Variants in PHTF2 observed in about 807,000 individuals in gnomAD.
The protein encoded by PHTF2 is protein PHTF2.
In PHTF2, 60 loss-of-function variants were observed where a neutral mutation model predicts 101.2. That is an observed-to-expected ratio of 0.59 (90% CI 0.48 to 0.73). The LOEUF is 0.73. Ranked by LOEUF, PHTF2 falls within the 30% of genes least tolerant of loss-of-function variation. PHTF2 has a pLI of 0.00. For missense variants in PHTF2, 747 were observed against 908.7 expected (o/e 0.82, Z 2.29); for synonymous variants, 311 against 307.3 (o/e 1.01, Z -0.13).
In PHTF2 at chr7:77,893,759, A is replaced by T. The variant is rs1685573992; in HGVS notation, c.204+95A>T. The stretch of plus-strand genomic sequence containing the variant: ...GTGTTTTTTAATATACTTTTAAGAT[A>T]TAAATTACTATTCTATTGAAGCTTT... On this transcript the variant is annotated intron_variant, in intron 4 of 19. Coordinates refer to ENST00000416283, the Ensembl canonical transcript of PHTF2. 1.7e-5 allele frequency: 11 copies of T among 629,292 alleles called. No individual in the cohort carries two copies. The South Asian group carries it at 2.5e-4, about 14-fold the overall frequency. The allele number at this position is 629,292 out of a possible 1,614,324, so 39.0% of individuals were successfully genotyped here.
At chr7:77,932,410 T>TTACC (rs1414290713) in intron 12 of PHTF2, among the ~76,000 whole-genome samples, 1 of 151,966 alleles carries the variant, frequency 6.6e-6, no homozygotes, top group Non-Finnish European at 1.5e-5. Flanking sequence ...GCAAGCAAGA[T>TTACC]GGTAAGAGAG....
intron 1 of PHTF2, among the ~76,000 whole-genome samples, chr7:77,815,232 G>A (rs759454625): frequency 2.0e-5 from 3 of 152,236 alleles, no homozygotes; most frequent in South Asian, 2.1e-4. Flanking sequence ...GGGAACATGC[G>A]TGTTGGGAAC....
intron 11 of PHTF2, chr7:77,923,362 T>C: frequency 3.1e-6 from 3 of 969,568 alleles, no homozygotes; most frequent in Non-Finnish European, 3.7e-6. Context: ...GCAAATAAAT[T>C]ACACTGTTTA....
chr7:77,844,127 A>G (rs543700431), intron 2 of PHTF2, among the ~76,000 whole-genome samples: 1 of 152,054 alleles, frequency 6.6e-6, no homozygotes, highest in Non-Finnish European at 1.5e-5. Flanking sequence ...CCCCCCAAGT[A>G]GCTGGAACTA....
intron 1 of PHTF2, among the ~76,000 whole-genome samples, chr7:77,824,655 C>T (rs562219492): frequency 8.5e-4 from 130 of 152,216 alleles, no homozygotes; most frequent in African/African-American, 2.1e-3. Context: ...CTCCTGACTT[C>T]GTGATCTGCC....
At chr7:77,911,855 TA>T (rs1039891833) in intron 9 of PHTF2, among the ~76,000 whole-genome samples, 5 of 152,076 alleles carry the variant, frequency 3.3e-5, no homozygotes, top group African/African-American at 7.2e-5. Flanking sequence ...TTTAGTCTTT[TA>T]AAAAAAATGT....
At chr7:77,902,263 G>A (rs939138955) in intron 7 of PHTF2, among the ~76,000 whole-genome samples, 3 of 151,992 alleles carry the variant, frequency 2.0e-5, no homozygotes, top group Non-Finnish European at 2.9e-5. Flanking sequence ...TCCTGCCATA[G>A]GTATAGTTTC....
At chr7:77,900,767 T>C in exon 6 of PHTF2, 2 of 1,548,814 alleles carry the variant, frequency 1.3e-6, no homozygotes, top group Non-Finnish European at 1.8e-6. Context: ...TCATAGATGT[T>C]GATCTTGTAA....
intron 1 of PHTF2, among the ~76,000 whole-genome samples, chr7:77,826,391 G>C (rs1167256544): frequency 6.6e-6 from 1 of 152,074 alleles, no homozygotes; most frequent in Non-Finnish European, 1.5e-5. Context: ...TAAACTATAA[G>C]GATTTATAAC....
intron 2 of PHTF2, among the ~76,000 whole-genome samples, chr7:77,847,102 A>G (rs1050803132): frequency 6.6e-6 from 1 of 152,174 alleles, no homozygotes; most frequent in African/African-American, 2.4e-5. Context: ...ACTGTATGAG[A>G]GAATAAATCT....
intron 11 of PHTF2, among the ~76,000 whole-genome samples, chr7:77,927,191 T>TACACACAC (rs1804115642): frequency 1.1e-5 from 1 of 93,694 alleles, no homozygotes; most frequent in African/African-American, 3.4e-5. Context: ...TATATATATA[T>TACACACAC]ATATACATAC....
chr7:77,884,623 G>A (rs953577861), intron 3 of PHTF2, among the ~76,000 whole-genome samples: 6 of 152,274 alleles, frequency 3.9e-5, no homozygotes, highest in South Asian at 4.1e-4. Context: ...TGGGCTGGGC[G>A]CAGTGGCTTA....
intron 1 of PHTF2, among the ~76,000 whole-genome samples, chr7:77,827,416 G>A (rs1186119807): frequency 1.3e-5 from 2 of 152,126 alleles, no homozygotes; most frequent in South Asian, 2.1e-4. Context: ...GTGTGGTGGT[G>A]CAGTCTCGGC....
chr7:77,924,105 C>T (rs1010201156), intron 11 of PHTF2: 3 of 959,586 alleles, frequency 3.1e-6, no homozygotes, highest in East Asian at 1.2e-4. Flanking sequence ...AAAATTTTTA[C>T]TCTTAAACCA....
chr7:77,884,346 G>A (rs1325710875), intron 3 of PHTF2, among the ~76,000 whole-genome samples: 1 of 152,088 alleles, frequency 6.6e-6, no homozygotes, highest in Non-Finnish European at 1.5e-5. Flanking sequence ...AGTGTACCTT[G>A]TACCCAGTAT....
At chr7:77,946,319 A>C (rs905208871) in intron 16 of PHTF2, among the ~76,000 whole-genome samples, 4 of 152,200 alleles carry the variant, frequency 2.6e-5, no homozygotes, top group African/African-American at 9.6e-5. Context: ...AATTTGGAGC[A>C]AGCATTATAC....
At position 77,929,222 on chromosome 7, in the gene PHTF2, A is replaced by ACATTG; in HGVS notation, c.1234_1238dup (p.Ala414IlefsTer24). 6.2e-7 allele frequency: 1 copy of ACATTG among 1,612,312 alleles called. No individual in the cohort carries two copies. Among genetic ancestry groups the ACATTG allele is most frequent in the South Asian group, 1.1e-5 (1 of 91,034 alleles). On this transcript the variant is annotated frameshift_variant, in exon 12 of 20. Transcript: ENST00000416283. LOFTEE classifies it high-confidence loss of function. ...AAGATGTGTTATGGGAAGACTTGTT[A>ACATTG]CATTGTGCAGAATGCCATTCATCTT...
intron 19 of PHTF2, among the ~76,000 whole-genome samples, chr7:77,954,621 T>TAG (rs1806844566): frequency 8.5e-6 from 1 of 117,512 alleles, no homozygotes. Context: ...TGTATATATA[T>TAG]ATATATATAT....
intron 5 of PHTF2, 111 bp downstream of exon 4, chr7:77,894,104 G>C: frequency 4.6e-6 from 4 of 867,462 alleles, no homozygotes; most frequent in Non-Finnish European, 2.0e-6. Flanking sequence ...CTCGAAAAGA[G>C]TCACTGAAAA....
Sources: gnomAD v4.1 joint callset for allele counts (sites outside exome capture counted in the v4.1 genomes callset) on GRCh38, gnomAD v4.1.1 for gene constraint, MANE v1.5 for transcripts, NCBI Gene and HGNC (gene_info 2026-07-23, HGNC 2026-07-21) for gene names.